ZNF710: variants seen among roughly 807,000 people sequenced by gnomAD.
ZNF710 encodes the protein zinc finger protein 710.
In ZNF710, 13 loss-of-function variants were observed where a neutral mutation model predicts 50.6. The observed-to-expected ratio is 0.26, with a 90% CI of 0.17 to 0.41. The LOEUF (loss-of-function observed/expected upper bound fraction) is 0.41. Among genes scored for constraint, ZNF710 ranks in the 10% least tolerant of loss-of-function variants. The probability of loss-of-function intolerance (pLI) is 1.00; values close to 1 mark genes in which losing one functional copy is unlikely to be tolerated. For missense variants in ZNF710, 721 were observed against 936.6 expected (o/e 0.77, Z 3.01); for synonymous variants, 383 against 397.0 (o/e 0.96, Z 0.42).
chr15:90,035,454 TAGG>T (rs1899093088), intron 1 of ZNF710, among the ~76,000 whole-genome samples: 5 of 152,302 alleles, frequency 3.3e-5, no homozygotes, highest in Admixed American at 3.3e-4. Context: ...CTCCCAGGGC[TAGG>T]AGGGTATTAG....
At chr15:90,003,888 G>A (rs879294704) in intron 1 of ZNF710, among the ~76,000 whole-genome samples, 51 of 152,092 alleles carry the variant, frequency 3.4e-4, no homozygotes, top group African/African-American at 1.2e-3. Flanking sequence ...CATGAGGGCC[G>A]TGGGGATAGA....
At chr15:90,052,215 G>A (rs1417360801) in intron 1 of ZNF710, among the ~76,000 whole-genome samples, 1 of 152,140 alleles carries the variant, frequency 6.6e-6, no homozygotes, top group East Asian at 1.9e-4. Flanking sequence ...GAGGGCTCCT[G>A]AAGACCTAGG....
At chr15:90,017,597 A>T (rs1218346228) in intron 1 of ZNF710, among the ~76,000 whole-genome samples, 1 of 151,828 alleles carries the variant, frequency 6.6e-6, no homozygotes, top group Non-Finnish European at 1.5e-5. Flanking sequence ...CATGTCCAAC[A>T]TCCTGTCACT....
Position 90,067,233 on chromosome 15 carries a change from G to A in ZNF710, c.96G>A (p.Glu32=), listed in dbSNP as rs767393731. The change falls in exon 2 of 5, where the codon GAG becomes GAA. Residue 32 remains glutamate (E), a synonymous_variant. Coordinates refer to ENST00000268154, the MANE Select transcript of ZNF710 (RefSeq NM_198526.4). The surrounding 1 kb of genome is among the most constrained non-coding windows in gnomAD (Gnocchi z 8.1). Reference sequence around the variant, plus strand: ...TGCTTGGCCTGGTCTCCGAAAATGAGCTCTTTGGAGCTACCATAAGCGCCG... The same window carrying A: ...TGCTTGGCCTGGTCTCCGAAAATGAACTCTTTGGAGCTACCATAAGCGCCG... ...AAVLGLVSEN[E]LFGATISAEA... 5.0e-6 allele frequency: 8 copies of A among 1,613,534 alleles called. No individual in the cohort carries two copies. In the African/African-American group the frequency reaches 9.3e-5, roughly 19 times the overall value.
At chr15:90,005,027 A>G (rs1220947343) in intron 1 of ZNF710, among the ~76,000 whole-genome samples, 1 of 152,170 alleles carries the variant, frequency 6.6e-6, no homozygotes, top group Non-Finnish European at 1.5e-5. Context: ...TCATACTTTG[A>G]CTTGTATGTG....
chr15:90,011,399 G>A (rs955310717), intron 1 of ZNF710, among the ~76,000 whole-genome samples: 9 of 152,216 alleles, frequency 5.9e-5, no homozygotes, highest in East Asian at 1.9e-4. Flanking sequence ...GTGAGCCACC[G>A]TGCCTGGCCT....
At chr15:90,055,811 G>A (rs1166284513) in intron 1 of ZNF710, among the ~76,000 whole-genome samples, 1 of 152,220 alleles carries the variant, frequency 6.6e-6, no homozygotes, top group African/African-American at 2.4e-5. Flanking sequence ...TGGATAGAAG[G>A]AAACACAAGG....
chr15:90,050,921 C>G (rs948414298), intron 1 of ZNF710, among the ~76,000 whole-genome samples: 3 of 152,148 alleles, frequency 2.0e-5, no homozygotes, highest in African/African-American at 7.2e-5. Flanking sequence ...CCAGCCTGGC[C>G]GGATGATAGG....
chr15:90,005,558 C>T (rs917649271), intron 1 of ZNF710, among the ~76,000 whole-genome samples: 1 of 152,140 alleles, frequency 6.6e-6, no homozygotes, highest in African/African-American at 2.4e-5. Flanking sequence ...AAGCGATTCT[C>T]CTGCCTCAGC....
At chr15:90,043,246 G>A (rs759048423) in intron 1 of ZNF710, among the ~76,000 whole-genome samples, 42 of 152,232 alleles carry the variant, frequency 2.8e-4, no homozygotes, top group Non-Finnish European at 4.9e-4. Context: ...CATCTGCCCC[G>A]CTACCTGGTT....
intron 1 of ZNF710, among the ~76,000 whole-genome samples, chr15:90,030,783 G>A (rs1272677963): frequency 2.0e-5 from 3 of 151,968 alleles, no homozygotes; most frequent in African/African-American, 7.3e-5. Context: ...TTGGGAGGCC[G>A]AGGCAGGCAG....
chr15:90,007,807 C>G (rs1054069186), intron 1 of ZNF710, among the ~76,000 whole-genome samples: 1 of 151,170 alleles, frequency 6.6e-6, no homozygotes, highest in Admixed American at 6.6e-5. Context: ...AGAGGCTCAC[C>G]CCCACCCCCA....
In ZNF710 at chr15:90,034,222, G is replaced by GAA. The variant is rs951587012; in HGVS notation, c.-29+32611_-29+32612dup. ...CAAAAAAAAAGAAAAGAAAAGAAAA[G>GAA]AAAAGAAAACAGGTGAACGACAGTC... is the stretch of plus-strand genomic sequence containing the variant. On this transcript the variant is annotated intron_variant, in intron 1 of 4. Transcript: ENST00000268154. The surrounding 1 kb of genome is among the most constrained non-coding windows in gnomAD (Gnocchi z 4.0). Among the ~76,000 whole-genome samples, 6 of 151,832 alleles carry GAA rather than the reference G, an allele frequency of 4.0e-5. No individual in the cohort carries two copies. The highest frequency in any genetic ancestry group is 7.3e-5 in the African/African-American group (3 of 41,320).
In ZNF710 at chr15:90,068,286, C is replaced by A; in HGVS notation, c.1149C>A (p.Phe383Leu). Residue 383 changes from phenylalanine (F) to leucine (L), a missense_variant, in exon 2 of 5, where the codon TTC becomes TTA. Physicochemically the swap from Phe to Leu is conservative, Grantham distance 22. Coordinates refer to ENST00000268154, the MANE Select transcript of ZNF710 (RefSeq NM_198526.4). This position sits in a 1 kb window ranked among gnomAD's most constrained non-coding sequence, Gnocchi z 5.0. ...HSEVKPYSCH[F>L]CGRGFAYPSE... Reference sequence around the variant, plus strand: ...AGGTCAAGCCCTACAGCTGCCACTTCTGCGGCCGCGGCTTCGCCTACCCCA... The same window carrying A: ...AGGTCAAGCCCTACAGCTGCCACTTATGCGGCCGCGGCTTCGCCTACCCCA... 6.2e-7 allele frequency: 1 copy of A among 1,613,156 alleles called. No individual in the cohort carries two copies. Among genetic ancestry groups the A allele is most frequent in the Non-Finnish European group, 8.5e-7 (1 of 1,180,012 alleles).
intron 4 of ZNF710, 45 bp from the exon 5 acceptor site, chr15:90,079,615 T>G: frequency 6.3e-7 from 1 of 1,596,844 alleles, no homozygotes; most frequent in Non-Finnish European, 8.5e-7. Context: ...GACTGGCTCC[T>G]CCCGAGAGAT....
chr15:90,043,792 G>C (rs895700736), intron 1 of ZNF710, among the ~76,000 whole-genome samples: 1 of 151,776 alleles, frequency 6.6e-6, no homozygotes, highest in Non-Finnish European at 1.5e-5. Context: ...CCCGCCCTTT[G>C]TGTCTCTGCC....
At position 90,059,734 on chromosome 15, in the gene ZNF710, C is replaced by T. The variant is rs979149533; in HGVS notation, c.-28-7376C>T. Among the ~76,000 whole-genome samples, 13 of 152,236 alleles carry T rather than the reference C, an allele frequency of 8.5e-5. No individual in the cohort carries two copies. The highest frequency in any genetic ancestry group is 3.1e-4 in the African/African-American group (13 of 41,468). ...AAGGGGCCCCGAGGCACAGGCCTTC[C>T]AGCTCTCGCTTCCTCTTCCCTTCTG... is the stretch of plus-strand genomic sequence containing the variant. On this transcript the variant is annotated intron_variant, in intron 1 of 4. Transcript: ENST00000268154. The surrounding 1 kb of genome is among the most constrained non-coding windows in gnomAD (Gnocchi z 4.1).
At chr15:90,010,888 T>G (rs922450503) in intron 1 of ZNF710, among the ~76,000 whole-genome samples, 1 of 151,808 alleles carries the variant, frequency 6.6e-6, no homozygotes, top group African/African-American at 2.4e-5. Flanking sequence ...GTAGTTGGCC[T>G]TGAATTTGAA....
intron 1 of ZNF710, among the ~76,000 whole-genome samples, chr15:90,055,502 T>C (rs75331221): frequency 0.035 from 5,304 of 152,220 alleles, 113 homozygotes; most frequent in Non-Finnish European, 0.051. Context: ...TTGGGCTTGA[T>C]TGCAAGAGCA....
Sources: allele counts gnomAD v4.1 joint callset (sites outside exome capture counted in the v4.1 genomes callset), GRCh38; gene constraint gnomAD v4.1.1; non-coding constraint Gnocchi (gnomAD v3.1); transcripts MANE v1.5; gene names NCBI Gene and HGNC (gene_info 2026-07-23, HGNC 2026-07-21).